SLC9C1: variants seen among roughly 807,000 people sequenced by gnomAD.
SLC9C1 encodes the protein solute carrier family 9 member C1, also known as sodium/hydrogen exchanger 10.
Under a neutral mutation model 140.9 loss-of-function variants are expected in SLC9C1, and 97 were observed. That is an observed-to-expected ratio of 0.69 (90% CI 0.58 to 0.82). The LOEUF (loss-of-function observed/expected upper bound fraction) is 0.82. SLC9C1 is among the 40% of genes least tolerant of loss of function. The probability of loss-of-function intolerance (pLI) is 0.00; values close to 1 mark genes in which losing one functional copy is unlikely to be tolerated. For missense variants in SLC9C1, 1,340 were observed against 1,389.3 expected, an observed-to-expected ratio of 0.96 and a Z score of 0.56; for synonymous variants, 440 against 442.6, an observed-to-expected ratio of 0.99 and a Z score of 0.07.
chr3:112,168,525 T>C (rs1328452573), intron 25 of SLC9C1, among the ~76,000 whole-genome samples: 1 of 152,250 alleles, frequency 6.6e-6, no homozygotes, highest in East Asian at 1.9e-4. Flanking sequence ...TTCTAGAGCA[T>C]TGTTGATACA....
intron 1 of SLC9C1, among the ~76,000 whole-genome samples, chr3:112,290,874 C>T (rs1180147500): frequency 1.4e-5 from 2 of 146,092 alleles, no homozygotes; most frequent in African/African-American, 5.1e-5. Flanking sequence ...ATCAGGATTG[C>T]AACCCTTGCT....
At chr3:112,142,497 A>T (rs1042180434) in intron 28 of SLC9C1, among the ~76,000 whole-genome samples, 1 of 152,088 alleles carries the variant, frequency 6.6e-6, no homozygotes, top group African/African-American at 2.4e-5. Flanking sequence ...TTATTATAGG[A>T]TTATATAAGA....
At chr3:112,208,083 C>T in intron 16 of SLC9C1, 95 bp downstream of exon 16, 1 of 1,003,844 alleles carries the variant, frequency 1.0e-6, no homozygotes. Flanking sequence ...TACACTCCTT[C>T]AGAAAATTGT....
In SLC9C1 at chr3:112,179,662, C is replaced by G. The variant is rs149038615; in HGVS notation, c.2788G>C (p.Val930Leu). Residue 930 changes from valine (V) to leucine (L), a missense_variant, in exon 23 of 29, where the codon GTG becomes CTG. Coordinates refer to ENST00000305815, the MANE Select transcript of SLC9C1 (RefSeq NM_183061.3). Reference sequence around the variant, plus strand: ...GGAAAATCTTTCTCCTTTGACTCCACCATTTGATCAATCCCTAAACCTGGC... The same window carrying G: ...GGAAAATCTTTCTCCTTTGACTCCAGCATTTGATCAATCCCTAAACCTGGC... Reference protein sequence around the residue: ...SKPGLGIDQMVESKEKDFPII... With the variant: ...SKPGLGIDQMLESKEKDFPII... 1.2e-6 allele frequency: 2 copies of G among 1,610,756 alleles called. No homozygotes were observed. Among genetic ancestry groups the G allele is most frequent in the Non-Finnish European group, 1.7e-6 (2 of 1,178,838 alleles).
chr3:112,148,624 T>TAAG (rs1453513383), intron 28 of SLC9C1, among the ~76,000 whole-genome samples: 15 of 152,192 alleles, frequency 9.9e-5, no homozygotes, highest in Non-Finnish European at 8.8e-5. Flanking sequence ...AGATGGTACT[T>TAAG]ACAGTAAGAG....
chr3:112,153,805 C>T (rs1576214672), intron 27 of SLC9C1, among the ~76,000 whole-genome samples: 1 of 152,254 alleles, frequency 6.6e-6, no homozygotes, highest in East Asian at 1.9e-4. Context: ...AGTCTCATAC[C>T]AGAGCCCAGA....
chr3:112,189,536 T>C (rs1049153963), intron 20 of SLC9C1, among the ~76,000 whole-genome samples: 17 of 152,290 alleles, frequency 1.1e-4, no homozygotes, highest in African/African-American at 4.1e-4. Context: ...GATCAGATGG[T>C]TGTAGATGTG....
chr3:112,278,719 G>A lies in SLC9C1; in HGVS notation c.318+10C>T, dbSNP rs745814688. The A allele has an allele frequency of 5.7e-6, 9 of 1,584,776 alleles. No homozygotes were observed. Among genetic ancestry groups the A allele is most frequent in the Non-Finnish European group, 7.7e-6 (9 of 1,171,832 alleles). On this transcript the variant is annotated intron_variant, in intron 4 of 28. Transcript: ENST00000305815. ...ATGAATGAATGATATTACCAAAAAAGAATGCTTACCTGCCAAAATAACTTT... is the reference window on the plus strand; with the variant it reads ...ATGAATGAATGATATTACCAAAAAAAAATGCTTACCTGCCAAAATAACTTT...
intron 10 of SLC9C1, among the ~76,000 whole-genome samples, chr3:112,262,475 T>G (rs1253334666): frequency 1.3e-5 from 2 of 151,752 alleles, no homozygotes; most frequent in Non-Finnish European, 2.9e-5. Context: ...AGACACATGG[T>G]AGAAGGAGAG....
At chr3:112,207,894 T>C (rs1236904494) in intron 16 of SLC9C1, among the ~76,000 whole-genome samples, 1 of 152,186 alleles carries the variant, frequency 6.6e-6, no homozygotes, top group African/African-American at 2.4e-5. Context: ...ACCACCCTGC[T>C]AAGACTGAGA....
intron 11 of SLC9C1, among the ~76,000 whole-genome samples, chr3:112,242,738 C>T (rs1312122155): frequency 6.6e-6 from 1 of 151,962 alleles, no homozygotes; most frequent in African/African-American, 2.4e-5. Context: ...CTCCATTTAC[C>T]CTAATTGATT....
rs2080769570 is a variant in SLC9C1, at chr3:112,294,174, C to T, written c.-169G>A. ...CTATTTCGCTCACAGCCAAACAGCC[C>T]AGACCAACTGCAACCTCACTGACAG... is the stretch of plus-strand genomic sequence containing the variant. On this transcript the variant is annotated 5_prime_UTR_variant, in exon 1 of 29. Coordinates refer to ENST00000305815, the MANE Select transcript of SLC9C1 (RefSeq NM_183061.3). 1 of 152,316 alleles carries T rather than the reference C, an allele frequency of 6.6e-6. No individual in the cohort carries two copies. The highest frequency in any genetic ancestry group is 2.4e-5 in the African/African-American group (1 of 41,404). 9.4% of individuals were successfully genotyped at this position (152,316 alleles called of 1,614,324 possible).
intron 13 of SLC9C1, among the ~76,000 whole-genome samples, chr3:112,223,494 A>T (rs2078596802): frequency 6.6e-6 from 1 of 152,222 alleles, no homozygotes; most frequent in South Asian, 2.1e-4. Context: ...TTAGTTAGAA[A>T]GTTATAGAGT....
chr3:112,256,639 C>G (rs1165026480), intron 10 of SLC9C1, among the ~76,000 whole-genome samples: 1 of 152,148 alleles, frequency 6.6e-6, no homozygotes, highest in Non-Finnish European at 1.5e-5. Context: ...TAGATGCATT[C>G]TTCTTGAATA....
At chr3:112,160,538 C>A (rs9851173) in intron 26 of SLC9C1, among the ~76,000 whole-genome samples, 46,526 of 150,524 alleles carry the variant, frequency 0.31, 7,444 homozygotes, top group African/African-American at 0.37. Flanking sequence ...TTTGTTCTTG[C>A]GATAGTTTAC....
intron 1 of SLC9C1, among the ~76,000 whole-genome samples, chr3:112,287,578 A>T (rs960320313): frequency 2.0e-5 from 3 of 152,246 alleles, no homozygotes; most frequent in Non-Finnish European, 4.4e-5. Context: ...TAAGAGTTTG[A>T]AACAATAGAC....
At chr3:112,142,434 A>T (rs1405936304) in intron 28 of SLC9C1, among the ~76,000 whole-genome samples, 1 of 152,098 alleles carries the variant, frequency 6.6e-6, no homozygotes, top group African/African-American at 2.4e-5. Context: ...AAAGATATTG[A>T]TCTTATTGTA....
At chr3:112,292,689 G>A (rs1373179229) in intron 1 of SLC9C1, among the ~76,000 whole-genome samples, 9 of 151,896 alleles carry the variant, frequency 5.9e-5, no homozygotes, top group South Asian at 2.1e-4. Context: ...GACTACAGGC[G>A]CCAGCCACCA....
At chr3:112,153,676 A>G (rs2075048122) in intron 27 of SLC9C1, among the ~76,000 whole-genome samples, 1 of 152,200 alleles carries the variant, frequency 6.6e-6, no homozygotes, top group Non-Finnish European at 1.5e-5. Context: ...TGATCTCTAC[A>G]GAGGTGGGTA....
Sources: gnomAD v4.1 joint callset for allele counts (sites outside exome capture counted in the v4.1 genomes callset) on GRCh38, gnomAD v4.1.1 for gene constraint, MANE v1.5 for transcripts, NCBI Gene and HGNC (gene_info 2026-07-23, HGNC 2026-07-21) for gene names.